Variants in ASIC4 observed in about 807,000 individuals in gnomAD.
ASIC4 encodes acid sensing ion channel subunit family member 4.
In ASIC4, 28 loss-of-function variants were observed where a neutral mutation model predicts 53.4. The observed-to-expected ratio is 0.52, with a 90% CI of 0.39 to 0.72. ASIC4 has a LOEUF of 0.72. ASIC4 is among the 30% of genes least tolerant of loss of function. The pLI is 0.00. For missense variants in ASIC4, 649 were observed against 729.7 expected (o/e 0.89, Z 1.27); for synonymous variants, 289 against 301.4 (o/e 0.96, Z 0.43).
Position 219,537,795 on chromosome 2 carries a change from A to G in ASIC4, c.1506+59A>G. The G allele has an allele frequency of 6.5e-7, 1 of 1,547,128 alleles. No individual in the cohort carries two copies. On this transcript the variant is annotated intron_variant, in intron 9 of 9. Transcript: ENST00000358078. The surrounding 1 kb of genome is among the most constrained non-coding windows in gnomAD (Gnocchi z 4.9). ...GCCACACCTCCCCAGGACTGAATAC[A>G]TCCATTGTTTCTGAACCAGCCTGTG... is the stretch of plus-strand genomic sequence containing the variant.
Position 219,532,460 on chromosome 2 carries a change from G to A in ASIC4, c.1001G>A (p.Arg334Gln), listed in dbSNP as rs1358746352. ...GCCGTGCTTCAGCGCTGCCACTGCC[G>A]GATGGTGCACATGCCAGGTGGGCAC... ...KEAVLQRCHCRMVHMPGNETI... is the reference protein window; with the variant it reads ...KEAVLQRCHCQMVHMPGNETI... Residue 334 changes from arginine to glutamine, a missense_variant, in exon 4 of 10, where the codon CGG becomes CAG. Physicochemically the swap from Arg to Gln is conservative, Grantham distance 43. Transcript: ENST00000358078. 3.1e-6 allele frequency: 5 copies of A among 1,612,726 alleles called. No individual in the cohort carries two copies. The highest frequency in any genetic ancestry group is 2.7e-5 in the African/African-American group (2 of 74,922).
At chr2:219,513,035 G>C (rs986411779), upstream of ASIC4, among the ~76,000 whole-genome samples, 6 of 152,206 alleles carry the variant, frequency 3.9e-5, no homozygotes, top group African/African-American at 1.4e-4. Flanking sequence ...GGCCAGGCCT[G>C]ACGCAGGGGG....
intron 1 of ASIC4, among the ~76,000 whole-genome samples, chr2:219,529,681 A>G (rs1300117258): frequency 6.6e-6 from 1 of 152,106 alleles, no homozygotes; most frequent in African/African-American, 2.4e-5. Flanking sequence ...ACGTCACTTC[A>G]CTTCTCTGAG....
chr2:219,514,604 G>T lies in ASIC4; in HGVS notation c.-121G>T, dbSNP rs752282323. On this transcript the variant is annotated 5_prime_UTR_variant, in exon 1 of 10. Transcript: ENST00000358078. The stretch of plus-strand genomic sequence containing the variant: ...CCCACCCTGTCCCTGTCCTCTTCCC[G>T]CTTGCCCTGAGTTTAGAAGAGCAGC... 8.1e-6 allele frequency: 13 copies of T among 1,600,980 alleles called. No individual in the cohort carries two copies. The highest frequency in any genetic ancestry group is 9.4e-6 in the Non-Finnish European group (11 of 1,173,918).
chr2:219,513,132 T>C (rs1694722993), upstream of ASIC4, among the ~76,000 whole-genome samples: 1 of 152,154 alleles, frequency 6.6e-6, no homozygotes, highest in Admixed American at 6.5e-5. Context: ...TTCTCACTTT[T>C]TTTCTCAGCT....
intron 1 of ASIC4, among the ~76,000 whole-genome samples, chr2:219,526,814 AGG>A (rs1694968792): frequency 6.6e-6 from 1 of 152,098 alleles, no homozygotes; most frequent in African/African-American, 2.4e-5. Flanking sequence ...CAAGGCCGGG[AGG>A]GGCTTTGGGA....
chr2:219,537,814 G>A lies in ASIC4; in HGVS notation c.1506+78G>A, dbSNP rs1695169764. 4.6e-6 allele frequency: 7 copies of A among 1,523,602 alleles called. No individual in the cohort carries two copies. The Admixed American group carries it at 1.2e-4, about 25-fold the overall frequency. 94.4% of individuals were successfully genotyped at this position (1,523,602 alleles called of 1,614,324 possible). A position where few individuals can be genotyped will look rare whatever the true frequency, so the allele number is the denominator to read the frequency against. On this transcript the variant is annotated intron_variant, in intron 9 of 9. Coordinates refer to ENST00000358078, the MANE Select transcript of ASIC4 (RefSeq NM_018674.6). The surrounding 1 kb of genome is among the most constrained non-coding windows in gnomAD (Gnocchi z 4.9). Reference sequence around the variant, plus strand: ...GAATACATCCATTGTTTCTGAACCAGCCTGTGGAGGGGGCCCTGGAGCCTC... The same window carrying A: ...GAATACATCCATTGTTTCTGAACCAACCTGTGGAGGGGGCCCTGGAGCCTC...
chr2:219,529,421 G>A (rs964327937), intron 1 of ASIC4, among the ~76,000 whole-genome samples: 5 of 152,160 alleles, frequency 3.3e-5, no homozygotes, highest in African/African-American at 1.2e-4. Flanking sequence ...AAGAGAAGCC[G>A]ATATGGAGAA....
chr2:219,515,595 G>A (rs1201653656), intron 1 of ASIC4, among the ~76,000 whole-genome samples: 2 of 152,222 alleles, frequency 1.3e-5, no homozygotes, highest in Non-Finnish European at 2.9e-5. Context: ...CCTAGGCATG[G>A]GCCCAGGTGT....
At position 219,537,446 on chromosome 2, in the gene ASIC4, C is replaced by T; in HGVS notation, c.1401+125C>T. The T allele has an allele frequency of 8.1e-7, 1 of 1,228,496 alleles. No homozygotes were observed. Among genetic ancestry groups the T allele is most frequent in the Non-Finnish European group, 1.2e-6 (1 of 867,752 alleles). 76.1% of individuals were successfully genotyped at this position (1,228,496 alleles called of 1,614,324 possible). A position where few individuals can be genotyped will look rare whatever the true frequency, so the allele number is the denominator to read the frequency against. Reference sequence around the variant, plus strand: ...AGGTTCAGGGTTCTCTGCCAGGGTCCCCTGACTGGCTGGCAGGCCTGAGGG... The same window carrying T: ...AGGTTCAGGGTTCTCTGCCAGGGTCTCCTGACTGGCTGGCAGGCCTGAGGG... On this transcript the variant is annotated intron_variant, in intron 8 of 9. Transcript: ENST00000358078. The surrounding 1 kb of genome is among the most constrained non-coding windows in gnomAD (Gnocchi z 4.9).
At chr2:219,511,624 T>C (rs988207598), upstream of ASIC4, among the ~76,000 whole-genome samples, 21 of 152,038 alleles carry the variant, frequency 1.4e-4, no homozygotes, top group Non-Finnish European at 2.9e-4. This position sits in a 1 kb window ranked among gnomAD's most constrained non-coding sequence, Gnocchi z 5.3. Context: ...CTAACAGCCC[T>C]GCCCCCTTTG....
chr2:219,515,097 C>T lies in ASIC4; in HGVS notation c.373C>T (p.His125Tyr). The T allele has an allele frequency of 2.5e-6, 4 of 1,614,090 alleles. No individual in the cohort carries two copies. Among genetic ancestry groups the T allele is most frequent in the Non-Finnish European group, 3.4e-6 (4 of 1,180,032 alleles). ...CCTCTGCAATATCAACCGCTTCCGG[C>T]ATTCGGCACTCAGCGATGCCGACAT... is the stretch of plus-strand genomic sequence containing the variant. ...VTLCNINRFR[H>Y]SALSDADIFH... The change falls in exon 1 of 10, where the codon CAT (histidine) becomes TAT (tyrosine). Residue 125 changes from histidine (H) to tyrosine (Y), a missense_variant. His to Tyr is a moderately conservative substitution (Grantham distance 83). Transcript: ENST00000358078.
intron 1 of ASIC4, among the ~76,000 whole-genome samples, chr2:219,515,723 G>A (rs578103891): frequency 5.9e-5 from 9 of 152,296 alleles, no homozygotes; most frequent in South Asian, 2.1e-4. Context: ...CCCACCAAAC[G>A]AAGGAGATAG....
chr2:219,538,475 C>A lies in ASIC4; in HGVS notation c.*429C>A. Reference sequence around the variant, plus strand: ...ACAGCCAGGGTCCCAGCCCCAATGTCAGCAGGATAGGGAGAGCCCCAGGAC... The same window carrying A: ...ACAGCCAGGGTCCCAGCCCCAATGTAAGCAGGATAGGGAGAGCCCCAGGAC... On this transcript the variant is annotated 3_prime_UTR_variant, in exon 10 of 10. Coordinates refer to ENST00000358078, the MANE Select transcript of ASIC4 (RefSeq NM_018674.6). The A allele has an allele frequency of 4.7e-6, 1 of 213,934 alleles. No individual in the cohort carries two copies. Among genetic ancestry groups the A allele is most frequent in the Non-Finnish European group, 9.5e-6 (1 of 105,094 alleles). 13.3% of individuals were successfully genotyped at this position (213,934 alleles called of 1,614,324 possible). A position where few individuals can be genotyped will look rare whatever the true frequency, so the allele number is the denominator to read the frequency against.
chr2:219,531,907 G>A lies in ASIC4; in HGVS notation c.727+5G>A, dbSNP rs889436522. On this transcript the variant is annotated splice_donor_5th_base_variant and intron_variant, in intron 2 of 9. Coordinates refer to ENST00000358078, the MANE Select transcript of ASIC4 (RefSeq NM_018674.6). The stretch of plus-strand genomic sequence containing the variant: ...TGCCCATCTGGAGGGAGACAAGTAC[G>A]CAGGCCGGAAAGGGACAAGGGCCAC... 1.1e-5 allele frequency: 18 copies of A among 1,610,774 alleles called. No individual in the cohort carries two copies. The East Asian group carries it at 1.3e-4, about 12-fold the overall frequency.
At chr2:219,509,955 G>A (rs1242190800), upstream of ASIC4, among the ~76,000 whole-genome samples, 11 of 151,894 alleles carry the variant, frequency 7.2e-5, no homozygotes, top group Admixed American at 5.2e-4. This position sits in a 1 kb window ranked among gnomAD's most constrained non-coding sequence, Gnocchi z 5.2. Context: ...CTCGATCCTC[G>A]GTAGTGCGTC....
chr2:219,538,282 C>T lies in ASIC4; in HGVS notation c.*236C>T. 1 of 524,354 alleles carries T rather than the reference C, an allele frequency of 1.9e-6. No individual in the cohort carries two copies. The allele number at this position is 524,354 out of a possible 1,614,324, so 32.5% of individuals were successfully genotyped here. On this transcript the variant is annotated 3_prime_UTR_variant, in exon 10 of 10. Transcript: ENST00000358078. ...GAGGGCTGGAGACCAGGCCATGGGCCCTCACGGAGAGGAAGGGAAGGAAGG... is the reference window on the plus strand; with the variant it reads ...GAGGGCTGGAGACCAGGCCATGGGCTCTCACGGAGAGGAAGGGAAGGAAGG...
At chr2:219,532,770 A>G (rs889237224) in intron 4 of ASIC4, 113 bp from the exon 5 acceptor site, 1 of 1,091,236 alleles carries the variant, frequency 9.2e-7, no homozygotes, top group South Asian at 1.5e-5. Context: ...GTTCAAGCAC[A>G]TTTATGCAAA....
At position 219,535,316 on chromosome 2, in the gene ASIC4, C is replaced by G. The variant is rs759494381; in HGVS notation, c.1221C>G (p.Thr407=). 1 of 1,607,662 alleles carries G rather than the reference C, an allele frequency of 6.2e-7. No homozygotes were observed. Among genetic ancestry groups the G allele is most frequent in the South Asian group, 1.1e-5 (1 of 90,568 alleles). The part of the protein sequence containing the change: ...YLARKYNRNE[T]YIRENFLVLD... ...CGAGGAAGTACAACCGCAACGAGAC[C>G]TACATACGGTATGTGTGTGTGTGTG... The change falls in exon 6 of 10, where the codon ACC becomes ACG. Residue 407 remains threonine (T), a synonymous_variant. Transcript: ENST00000358078.
Sources: allele counts gnomAD v4.1 joint callset (sites outside exome capture counted in the v4.1 genomes callset), GRCh38; gene constraint gnomAD v4.1.1; non-coding constraint Gnocchi (gnomAD v3.1); transcripts MANE v1.5; gene names NCBI Gene and HGNC (gene_info 2026-07-23, HGNC 2026-07-21).